DOCK3: variants seen among roughly 807,000 people sequenced by gnomAD.
DOCK3 encodes the protein dedicator of cytokinesis 3, also known as dedicator of cytokinesis protein 3.
DOCK3 carries 60 observed loss-of-function variants against 265.6 expected under a neutral mutation model. The ratio of observed to expected loss-of-function variants is 0.23; its 90% CI spans 0.18 to 0.28. DOCK3 has a LOEUF of 0.28. Among genes scored for constraint, DOCK3 ranks in the 10% least tolerant of loss-of-function variants. The pLI is 1.00. For missense variants in DOCK3, 1,981 were observed against 2,594.3 expected (o/e 0.76, Z 5.14); for synonymous variants, 881 against 938.0 (o/e 0.94, Z 1.11).
intron 1 of DOCK3, among the ~76,000 whole-genome samples, chr3:50,777,334 GC>G (rs1204920321): frequency 1.3e-5 from 2 of 151,874 alleles, no homozygotes; most frequent in African/African-American, 2.4e-5. Context: ...GGTAACTATA[GC>G]CCTGTAGTAT....
intron 2 of DOCK3, among the ~76,000 whole-genome samples, chr3:50,840,450 C>T (rs190300398): frequency 1.3e-5 from 2 of 152,240 alleles, no homozygotes; most frequent in East Asian, 3.9e-4. Flanking sequence ...CCAGTTGTTC[C>T]AGCACCATTT....
chr3:50,686,574 GC>G (rs1275517832), intron 1 of DOCK3, among the ~76,000 whole-genome samples: 3 of 152,158 alleles, frequency 2.0e-5, no homozygotes, highest in East Asian at 3.9e-4. Context: ...ACGTGATCAT[GC>G]ACCAGCTGGG....
chr3:51,121,196 C>G (rs2084001547), intron 9 of DOCK3, among the ~76,000 whole-genome samples: 1 of 152,090 alleles, frequency 6.6e-6, no homozygotes, highest in Non-Finnish European at 1.5e-5. Context: ...GGCCAGATAG[C>G]ACCATCCCTC....
At chr3:50,820,656 G>A (rs2044356233) in intron 2 of DOCK3, among the ~76,000 whole-genome samples, 1 of 152,034 alleles carries the variant, frequency 6.6e-6, no homozygotes. Context: ...TGTCTTTTTG[G>A]TAGAATGATT....
chr3:51,113,791 G>T (rs906835319), intron 9 of DOCK3, among the ~76,000 whole-genome samples: 3 of 152,148 alleles, frequency 2.0e-5, no homozygotes, highest in African/African-American at 7.2e-5. Flanking sequence ...TTTGAAGTTT[G>T]ATTCAAAGAC....
At chr3:51,326,439 T>G (rs2084118827) in intron 32 of DOCK3, among the ~76,000 whole-genome samples, 1 of 151,588 alleles carries the variant, frequency 6.6e-6, no homozygotes, top group African/African-American at 2.4e-5. Context: ...TTTTGTAGTT[T>G]TAGTAGAAAC....
chr3:50,762,692 A>G (rs936785111), intron 1 of DOCK3, among the ~76,000 whole-genome samples: 3 of 151,768 alleles, frequency 2.0e-5, no homozygotes, highest in Non-Finnish European at 4.4e-5. Flanking sequence ...TGAGGAAGTT[A>G]TATTGTAGTC....
intron 5 of DOCK3, among the ~76,000 whole-genome samples, chr3:50,995,821 G>A (rs2078260354): frequency 6.6e-6 from 1 of 152,194 alleles, no homozygotes; most frequent in Non-Finnish European, 1.5e-5. Context: ...TCAGGCATTG[G>A]TCCTGTAGAA....
intron 5 of DOCK3, among the ~76,000 whole-genome samples, chr3:51,024,899 A>C (rs2079749567): frequency 6.6e-6 from 1 of 152,182 alleles, no homozygotes; most frequent in Non-Finnish European, 1.5e-5. Context: ...TTGGTTTGCC[A>C]GGGTGTTGCA....
chr3:51,056,371 C>T (rs1004422200), intron 5 of DOCK3, among the ~76,000 whole-genome samples: 5 of 152,190 alleles, frequency 3.3e-5, no homozygotes, highest in Non-Finnish European at 7.3e-5. Context: ...GCCTCTGCCT[C>T]CCGAGTAACT....
intron 40 of DOCK3, among the ~76,000 whole-genome samples, chr3:51,352,218 A>G (rs1298385676): frequency 6.6e-6 from 1 of 152,210 alleles, no homozygotes; most frequent in Non-Finnish European, 1.5e-5. Flanking sequence ...ATCTTTTCAA[A>G]TTATGCTTTC....
At chr3:51,177,527 G>A (rs1282208963) in intron 12 of DOCK3, among the ~76,000 whole-genome samples, 1 of 152,156 alleles carries the variant, frequency 6.6e-6, no homozygotes, top group Non-Finnish European at 1.5e-5. Context: ...AGAAATAAAT[G>A]CAGGATGTAT....
intron 3 of DOCK3, among the ~76,000 whole-genome samples, chr3:50,874,840 G>A (rs1361172437): frequency 2.0e-5 from 3 of 152,010 alleles, no homozygotes; most frequent in African/African-American, 7.2e-5. Context: ...TTTTTGTGGT[G>A]GAGTCTTTAG....
At chr3:50,794,212 C>T (rs2042644155) in intron 2 of DOCK3, among the ~76,000 whole-genome samples, 1 of 152,096 alleles carries the variant, frequency 6.6e-6, no homozygotes, top group African/African-American at 2.4e-5. Flanking sequence ...TGTTTTGTTG[C>T]TTTTGGGTGG....
intron 1 of DOCK3, among the ~76,000 whole-genome samples, chr3:50,706,988 A>G (rs1265863679): frequency 6.6e-6 from 1 of 151,952 alleles, no homozygotes; most frequent in African/African-American, 2.4e-5. Context: ...ATAGTGAGTG[A>G]GTGAGTTGTT....
intron 32 of DOCK3, among the ~76,000 whole-genome samples, chr3:51,324,215 A>G (rs1241478462): frequency 6.6e-6 from 1 of 152,252 alleles, no homozygotes; most frequent in Non-Finnish European, 1.5e-5. Context: ...CTGATAAGCA[A>G]CTTCAGCAAA....
chr3:51,072,616 C>A (rs2081918434), intron 6 of DOCK3, among the ~76,000 whole-genome samples: 1 of 152,036 alleles, frequency 6.6e-6, no homozygotes, highest in African/African-American at 2.4e-5. Context: ...ACCATGATGA[C>A]CAGGTCAGTC....
intron 49 of DOCK3, among the ~76,000 whole-genome samples, chr3:51,373,067 A>T (rs2110514628): frequency 6.6e-6 from 1 of 152,370 alleles, no homozygotes; most frequent in South Asian, 2.1e-4. Flanking sequence ...GGAAAAAGTT[A>T]CATTACTGGT....
chr3:50,832,196 T>TATAC (rs2045219716), intron 2 of DOCK3, among the ~76,000 whole-genome samples: 1 of 152,152 alleles, frequency 6.6e-6, no homozygotes, highest in South Asian at 2.1e-4. Flanking sequence ...CTTTACACCT[T>TATAC]ATACAAAAAT....
Sources: gnomAD v4.1 joint callset for allele counts (sites outside exome capture counted in the v4.1 genomes callset) on GRCh38, gnomAD v4.1.1 for gene constraint, MANE v1.5 for transcripts, NCBI Gene and HGNC (gene_info 2026-07-23, HGNC 2026-07-21) for gene names.